EDNRA: variants seen among roughly 807,000 people sequenced by gnomAD.
EDNRA encodes endothelin receptor type A.
In EDNRA, 11 loss-of-function variants were observed where a neutral mutation model predicts 41.4. The ratio of observed to expected loss-of-function variants is 0.27; its 90% CI spans 0.17 to 0.44. The LOEUF (loss-of-function observed/expected upper bound fraction) is 0.44. Among genes scored for constraint, EDNRA ranks in the 20% least tolerant of loss-of-function variants. The pLI is 1.00. For missense variants in EDNRA, 294 were observed against 531.0 expected (o/e 0.55, Z 4.39); for synonymous variants, 172 against 183.0 (o/e 0.94, Z 0.49).
chr4:147,535,331 G>A (rs540266214), intron 4 of EDNRA, among the ~76,000 whole-genome samples: 2 of 152,238 alleles, frequency 1.3e-5, no homozygotes, highest in African/African-American at 2.4e-5. Flanking sequence ...AGTTCAAAGC[G>A]GCTGGCTTTA....
chr4:147,504,317 T>C (rs1729614523), intron 2 of EDNRA, among the ~76,000 whole-genome samples: 1 of 152,198 alleles, frequency 6.6e-6, no homozygotes, highest in Admixed American at 6.5e-5. Flanking sequence ...TTGTCTCTCT[T>C]GTACTTTGCA....
Position 147,509,712 on chromosome 4 carries a change from T to C in EDNRA, c.421-10139T>C, listed in dbSNP as rs559522933. ...GAACTGCACACACAAGGGATCTAGA[T>C]TGTGCATTCCTTATGAGAATCTAAC... On this transcript the variant is annotated intron_variant, in intron 2 of 7. Coordinates refer to ENST00000651419, the MANE Select transcript of EDNRA (RefSeq NM_001957.4). 2.4e-4 allele frequency among the ~76,000 whole-genome samples: 36 copies of C among 152,150 alleles called. 1 individual carries two copies. The East Asian group carries it at 5.8e-3, about 24-fold the overall frequency.
At chr4:147,496,765 A>G (rs1205710232) in intron 2 of EDNRA, among the ~76,000 whole-genome samples, 3 of 152,222 alleles carry the variant, frequency 2.0e-5, no homozygotes, top group Non-Finnish European at 4.4e-5. Context: ...ATTCAGTTGT[A>G]GTTCAGTCAT....
At position 147,536,178 on chromosome 4, in the gene EDNRA, A is replaced by C. The variant is rs1410816582; in HGVS notation, c.900+149A>C. On this transcript the variant is annotated intron_variant, in intron 5 of 7. Transcript: ENST00000651419. The stretch of plus-strand genomic sequence containing the variant: ...CTGTTTTCTTTATAGTAATAGTGTT[A>C]GAAATTTCTTTTGTAAAATGGGAAA... The C allele has an allele frequency of 7.8e-6, 8 of 1,023,256 alleles. No individual in the cohort carries two copies. The East Asian group carries it at 2.1e-4, about 27-fold the overall frequency. 63.4% of individuals were successfully genotyped at this position (1,023,256 alleles called of 1,614,324 possible). A position where few individuals can be genotyped will look rare whatever the true frequency, so the allele number is the denominator to read the frequency against.
intron 2 of EDNRA, chr4:147,488,156 C>T (rs1313246576): frequency 2.0e-5 from 3 of 152,232 alleles, no homozygotes; most frequent in Non-Finnish European, 1.5e-5. Context: ...CTGCTGTTCA[C>T]CCTGAAGCAC....
intron 3 of EDNRA, among the ~76,000 whole-genome samples, chr4:147,523,749 C>CA (rs201893122): frequency 0.016 from 2,412 of 152,126 alleles, 21 homozygotes; most frequent in African/African-American, 0.024. Context: ...CTCAGCCTCC[C>CA]AAAGTGCTGG....
At chr4:147,532,408 T>C in intron 3 of EDNRA, 98 bp from the exon 4 acceptor site, 1 of 960,442 alleles carries the variant, frequency 1.0e-6, no homozygotes, top group South Asian at 1.4e-5. Context: ...TTACTGGTAT[T>C]GGCAATGAGG....
chr4:147,500,436 A>G (rs1422264271), intron 2 of EDNRA, among the ~76,000 whole-genome samples: 2 of 152,178 alleles, frequency 1.3e-5, no homozygotes, highest in Non-Finnish European at 2.9e-5. Flanking sequence ...AACTGTTAGC[A>G]GTCAGGTGCG....
chr4:147,508,583 G>A (rs1729807350), intron 2 of EDNRA, among the ~76,000 whole-genome samples: 1 of 152,170 alleles, frequency 6.6e-6, no homozygotes, highest in South Asian at 2.1e-4. Flanking sequence ...AACAGTTTTA[G>A]AGGCTTAGCT....
intron 2 of EDNRA, among the ~76,000 whole-genome samples, chr4:147,507,134 G>A (rs957604861): frequency 6.7e-6 from 1 of 150,318 alleles, no homozygotes; most frequent in Non-Finnish European, 1.5e-5. Flanking sequence ...GAATCAAAGA[G>A]AATAATATAG....
Position 147,488,403 on chromosome 4 carries a change from T to G in EDNRA, c.420+2302T>G, listed in dbSNP as rs1729014839. 2.0e-5 allele frequency: 3 copies of G among 152,256 alleles called. No homozygotes were observed. The South Asian group carries it at 6.2e-4, about 31-fold the overall frequency. 9.4% of individuals were successfully genotyped at this position (152,256 alleles called of 1,614,324 possible). On this transcript the variant is annotated intron_variant, in intron 2 of 7. Transcript: ENST00000651419. ...GCAATGAATAAAAATTAACATATTC[T>G]TATTTGACCATATTGTTCTCCCCTC...
rs1315421727 is a variant in EDNRA, at chr4:147,519,883, T to A, written c.453T>A (p.Asn151Lys). ...LLAGRWPFDH[N>K]DFGVFLCKLF... Reference sequence around the variant, plus strand: ...CTGGGCGCTGGCCTTTTGATCACAATGACTTTGGCGTATTTCTTTGCAAGC... The same window carrying A: ...CTGGGCGCTGGCCTTTTGATCACAAAGACTTTGGCGTATTTCTTTGCAAGC... Residue 151 changes from asparagine to lysine, a missense_variant, in exon 3 of 8, where the codon AAT (asparagine) becomes AAA (lysine). This residue lies in a region of EDNRA where 185 missense variants were observed against 390.8 expected (regional missense o/e 0.47). Transcript: ENST00000651419. The surrounding 1 kb of genome is among the most constrained non-coding windows in gnomAD (Gnocchi z 4.1). 7 of 1,613,542 alleles carry A rather than the reference T, an allele frequency of 4.3e-6. No homozygotes were observed. The highest frequency in any genetic ancestry group is 5.9e-6 in the Non-Finnish European group (7 of 1,179,740).
At chr4:147,524,951 T>A (rs1220716108) in intron 3 of EDNRA, among the ~76,000 whole-genome samples, 1 of 152,308 alleles carries the variant, frequency 6.6e-6, no homozygotes, top group East Asian at 1.9e-4. Flanking sequence ...AAACAAGGAA[T>A]GAAAAGGGAG....
intron 3 of EDNRA, among the ~76,000 whole-genome samples, chr4:147,520,188 G>A (rs564068776): frequency 1.6e-4 from 25 of 152,236 alleles, no homozygotes; most frequent in African/African-American, 5.8e-4. Context: ...TATGTACCTA[G>A]AGCATTTTAT....
At position 147,525,225 on chromosome 4, in the gene EDNRA, C is replaced by T. The variant is rs139660651; in HGVS notation, c.548+5247C>T. On this transcript the variant is annotated intron_variant, in intron 3 of 7. Transcript: ENST00000651419. ...AGCTTTCTCACTATCAGCTTTTAAT[C>T]TGAATAAGCTAAACAGGACTGAGAG... Among the ~76,000 whole-genome samples the T allele has an allele frequency of 8.2e-3, 1,242 of 152,306 alleles. 2 individuals carry two copies. The highest frequency in any genetic ancestry group is 0.012 in the Non-Finnish European group (847 of 68,018).
At chr4:147,510,557 T>A (rs1314288427) in intron 2 of EDNRA, among the ~76,000 whole-genome samples, 1 of 152,228 alleles carries the variant, frequency 6.6e-6, no homozygotes, top group East Asian at 1.9e-4. Context: ...GTTGGAAGCT[T>A]AAAATCTCCA....
intron 5 of EDNRA, 126 bp downstream of exon 5, chr4:147,536,155 G>A: frequency 8.6e-7 from 1 of 1,158,948 alleles, no homozygotes; most frequent in Non-Finnish European, 1.2e-6. Context: ...TCCTGTAACT[G>A]TTTTCTTTAT....
At chr4:147,494,115 A>G (rs1729228132) in intron 2 of EDNRA, 1 of 152,168 alleles carries the variant, frequency 6.6e-6, no homozygotes, top group Admixed American at 6.5e-5. Context: ...GATCAAATTT[A>G]TACTAGAAGG....
chr4:147,497,065 A>G (rs190136353), intron 2 of EDNRA, among the ~76,000 whole-genome samples: 7 of 151,564 alleles, frequency 4.6e-5, no homozygotes, highest in Admixed American at 3.9e-4. Flanking sequence ...CTTGATCATA[A>G]CCTTTTATAT....
Sources: allele counts gnomAD v4.1 joint callset (sites outside exome capture counted in the v4.1 genomes callset), GRCh38; gene constraint gnomAD v4.1.1; regional missense constraint gnomAD v4.1.1; non-coding constraint Gnocchi (gnomAD v3.1); transcripts MANE v1.5; gene names NCBI Gene and HGNC (gene_info 2026-07-23, HGNC 2026-07-21).